PCDHGA5: variants seen among roughly 807,000 people sequenced by gnomAD.
PCDHGA5 encodes protocadherin gamma subfamily A, 5.
A neutral mutation model predicts 56.7 loss-of-function variants in PCDHGA5; 36 were observed. The observed-to-expected ratio is 0.64, with a 90% CI of 0.49 to 0.84. The LOEUF is 0.84. Among genes scored for constraint, PCDHGA5 ranks in the 40% least tolerant of loss-of-function variants. The pLI is 0.00. For synonymous variants in PCDHGA5, 563 were observed against 520.2 expected (o/e 1.08, Z -1.12); for missense variants, 1,305 against 1,201.5 (o/e 1.09, Z -1.27).
intron 1 of PCDHGA5, chr5:141,376,589 C>G: frequency 6.4e-7 from 1 of 1,568,198 alleles, no homozygotes; most frequent in Non-Finnish European, 8.7e-7. Flanking sequence ...TCAGCTAGAT[C>G]GGCTGTTATA....
chr5:141,414,783 G>C, intron 1 of PCDHGA5: 2 of 1,614,220 alleles, frequency 1.2e-6, no homozygotes, highest in Non-Finnish European at 1.7e-6. Context: ...AGATGCAGGT[G>C]ACAGCCAGCG....
chr5:141,505,676 C>A (rs1308943385), intron 3 of PCDHGA5, among the ~76,000 whole-genome samples, 195 bp downstream of exon 3: 1 of 152,060 alleles, frequency 6.6e-6, no homozygotes, highest in South Asian at 2.1e-4. Context: ...GGTTGGGGGT[C>A]CTGGGATGCC....
intron 1 of PCDHGA5, among the ~76,000 whole-genome samples, chr5:141,462,798 C>A (rs1458659959): frequency 6.6e-6 from 1 of 152,072 alleles, no homozygotes; most frequent in Non-Finnish European, 1.5e-5. Flanking sequence ...ATTTGCATGT[C>A]TAATAATGTT....
intron 1 of PCDHGA5, chr5:141,418,417 T>C: frequency 6.2e-7 from 1 of 1,614,002 alleles, no homozygotes; most frequent in Non-Finnish European, 8.5e-7. Flanking sequence ...AAGACAATCC[T>C]GATGGTGGCA....
chr5:141,485,601 G>T lies in PCDHGA5; in HGVS notation c.2422-9206G>T, dbSNP rs762783104. On this transcript the variant is annotated intron_variant, in intron 1 of 3. Transcript: ENST00000518069. The surrounding 1 kb of genome is among the most constrained non-coding windows in gnomAD (Gnocchi z 5.7). ...CGGCAGCAGCTGGACTTGGAAATTG[G>T]GGAGGCAGCTCCTCCAGGACAGCGT... The T allele has an allele frequency of 3.1e-6, 5 of 1,612,290 alleles. No individual in the cohort carries two copies. Among genetic ancestry groups the T allele is most frequent in the Non-Finnish European group, 4.2e-6 (5 of 1,178,722 alleles).
At chr5:141,480,205 A>G (rs2099514310) in intron 1 of PCDHGA5, among the ~76,000 whole-genome samples, 1 of 151,108 alleles carries the variant, frequency 6.6e-6, no homozygotes, top group Admixed American at 6.6e-5. Flanking sequence ...GCAGTTCAAG[A>G]CCAGCCTGAG....
Position 141,432,856 on chromosome 5 carries a change from G to A in PCDHGA5, c.2422-61951G>A, listed in dbSNP as rs773243805. 8.7e-6 allele frequency: 14 copies of A among 1,614,024 alleles called. No homozygotes were observed. The highest frequency in any genetic ancestry group is 1.3e-5 in the African/African-American group (1 of 74,908). ...TGTACCTGGTGGTAGCGGTGGCCGC[G>A]GTCTCCTGCGTCTTCCTGGCCTTCG... On this transcript the variant is annotated intron_variant, in intron 1 of 3. Coordinates refer to ENST00000518069, the MANE Select transcript of PCDHGA5 (RefSeq NM_018918.3). The surrounding 1 kb of genome is among the most constrained non-coding windows in gnomAD (Gnocchi z 6.0).
rs1763218891 is a variant in PCDHGA5 at position 141,364,207 on chromosome 5, C to T, written c.-124C>T. 8.4e-7 allele frequency: 1 copy of T among 1,184,316 alleles called. No individual in the cohort carries two copies. The highest frequency in any genetic ancestry group is 1.5e-5 in the African/African-American group (1 of 64,764). The allele number at this position is 1,184,316 out of a possible 1,614,324, so 73.4% of individuals were successfully genotyped here. Reference sequence around the variant, plus strand: ...ATACTAAACACACAGACCAGACAAGCTCCTACGAAAAGCCAACGCTCCACG... The same window carrying T: ...ATACTAAACACACAGACCAGACAAGTTCCTACGAAAAGCCAACGCTCCACG... On this transcript the variant is annotated 5_prime_UTR_variant, in exon 1 of 4. Coordinates refer to ENST00000518069, the MANE Select transcript of PCDHGA5 (RefSeq NM_018918.3).
intron 2 of PCDHGA5, among the ~76,000 whole-genome samples, chr5:141,501,690 A>G (rs760011264): frequency 5.3e-5 from 8 of 152,158 alleles, no homozygotes; most frequent in Non-Finnish European, 1.0e-4. Context: ...ACTTATCTGC[A>G]GGGTGATTCC....
intron 1 of PCDHGA5, among the ~76,000 whole-genome samples, chr5:141,452,068 A>G (rs554365813): frequency 1.1e-3 from 160 of 152,308 alleles, no homozygotes; most frequent in Middle Eastern, 6.8e-3. Flanking sequence ...TTCTACTTTT[A>G]TTAGTTGGCA....
intron 1 of PCDHGA5, among the ~76,000 whole-genome samples, chr5:141,460,703 G>A (rs1009662968): frequency 6.6e-6 from 1 of 151,534 alleles, no homozygotes; most frequent in Non-Finnish European, 1.5e-5. Flanking sequence ...AGTTGAATGA[G>A]AATAAACTAT....
At chr5:141,384,960 T>C in intron 1 of PCDHGA5, 4 of 1,613,970 alleles carry the variant, frequency 2.5e-6, no homozygotes, top group Non-Finnish European at 3.4e-6. Flanking sequence ...CTTACAACTA[T>C]GACCTCACGT....
rs369406530 is a variant in PCDHGA5, at chr5:141,393,504, A to C, written c.2421+26753A>C. On this transcript the variant is annotated intron_variant, in intron 1 of 3. Transcript: ENST00000518069. ...CTCTAGCACAGTGCGCATCCACGTG[A>C]CAGTGTTGGATACAAATGACAATGC... 16 of 1,613,918 alleles carry C rather than the reference A, an allele frequency of 9.9e-6. No individual in the cohort carries two copies. In the African/African-American group the frequency reaches 2.0e-4, roughly 20 times the overall value.
rs768135284 is a variant in PCDHGA5, at chr5:141,489,277, T to C, written c.2422-5530T>C. ...GACACTCCCACAGCTCGCTGGGAAA[T>C]GGCAAGTGCTGTGCATGTTGTCCTT... On this transcript the variant is annotated intron_variant, in intron 1 of 3. Transcript: ENST00000518069. This position sits in a 1 kb window ranked among gnomAD's most constrained non-coding sequence, Gnocchi z 4.5. 7.1e-6 allele frequency: 11 copies of C among 1,556,078 alleles called. No individual in the cohort carries two copies. Among genetic ancestry groups the C allele is most frequent in the South Asian group, 3.7e-5 (3 of 80,348 alleles).
At chr5:141,417,937 C>T (rs571233315) in intron 1 of PCDHGA5, 2 of 1,612,530 alleles carry the variant, frequency 1.2e-6, no homozygotes, top group South Asian at 1.1e-5. Context: ...CTTTGTTCTA[C>T]CCCACGCTGT....
chr5:141,510,448 C>T (rs1339979584), intron 3 of PCDHGA5, among the ~76,000 whole-genome samples: 1 of 152,016 alleles, frequency 6.6e-6, no homozygotes, highest in Non-Finnish European at 1.5e-5. Context: ...TCCAGGAGCC[C>T]ATGGTCTAGT....
intron 1 of PCDHGA5, chr5:141,411,714 G>C (rs889829564): frequency 6.6e-6 from 1 of 152,420 alleles, no homozygotes; most frequent in Middle Eastern, 3.1e-3. Context: ...AGACTCCATC[G>C]CTACAGAACA....
intron 1 of PCDHGA5, chr5:141,389,125 C>T: frequency 6.2e-7 from 1 of 1,614,004 alleles, no homozygotes; most frequent in African/African-American, 1.3e-5. Flanking sequence ...GAGCAGAATC[C>T]AGAGTACAAT....
intron 1 of PCDHGA5, among the ~76,000 whole-genome samples, chr5:141,472,602 T>C (rs1032061805): frequency 4.6e-5 from 7 of 152,026 alleles, no homozygotes; most frequent in African/African-American, 1.4e-4. Context: ...CTTGAAATTA[T>C]AAAACAAAGA....
Sources: gnomAD v4.1 joint callset for allele counts (sites outside exome capture counted in the v4.1 genomes callset) on GRCh38, gnomAD v4.1.1 for gene constraint, Gnocchi (gnomAD v3.1) non-coding constraint, MANE v1.5 for transcripts, NCBI Gene and HGNC (gene_info 2026-07-23, HGNC 2026-07-21) for gene names.